The following DDHD1 variants were observed in gnomAD, a reference collection of about 807,000 sequenced individuals.
DDHD1 encodes the protein phospholipase DDHD1.
Under a neutral mutation model 96.4 loss-of-function variants are expected in DDHD1, and 49 were observed. That is an observed-to-expected ratio of 0.51 (90% CI 0.40 to 0.64). DDHD1 has a LOEUF of 0.64. Ranked by LOEUF, DDHD1 falls within the 30% of genes least tolerant of loss-of-function variation. The pLI is 0.00. For missense variants in DDHD1, 1,106 were observed against 1,161.2 expected (o/e 0.95, Z 0.69); for synonymous variants, 442 against 446.5 (o/e 0.99, Z 0.13).
chr14:53,144,203 A>T (rs564250026), intron 1 of DDHD1, among the ~76,000 whole-genome samples: 1 of 152,382 alleles, frequency 6.6e-6, no homozygotes, highest in South Asian at 2.1e-4. Context: ...ATATTCTAAA[A>T]TATAAAGTCC....
At chr14:53,109,968 C>T (rs1291575354) in intron 1 of DDHD1, among the ~76,000 whole-genome samples, 1 of 152,174 alleles carries the variant, frequency 6.6e-6, no homozygotes, top group Admixed American at 6.5e-5. Context: ...TGTTCAACCA[C>T]AAATAGTCAT....
intron 7 of DDHD1, 141 bp from the exon 8 acceptor site, chr14:53,061,342 A>C: frequency 3.3e-6 from 2 of 599,654 alleles, no homozygotes; most frequent in South Asian, 3.3e-5. Context: ...GTATTTAATA[A>C]ATGTCTCTGC....
At chr14:53,143,814 TA>T (rs1890804536) in intron 1 of DDHD1, among the ~76,000 whole-genome samples, 1 of 152,246 alleles carries the variant, frequency 6.6e-6, no homozygotes, top group Non-Finnish European at 1.5e-5. Context: ...GGCTAGCAGA[TA>T]TTTAAGAAAG....
intron 11 of DDHD1, chr14:53,053,118 T>G (rs1161515530): frequency 6.6e-6 from 1 of 152,086 alleles, no homozygotes; most frequent in Non-Finnish European, 1.5e-5. Context: ...CTAGCACTAC[T>G]GTTGCACATT....
chr14:53,113,845 A>C (rs1355765364), intron 1 of DDHD1, among the ~76,000 whole-genome samples: 1 of 152,000 alleles, frequency 6.6e-6, no homozygotes, highest in Admixed American at 6.6e-5. Flanking sequence ...TTTTTTCAAA[A>C]CCCAGTGGTT....
rs1385494481 is a variant in DDHD1 at position 53,061,270 on chromosome 14, C to T, written c.1767-69G>A. The T allele has an allele frequency of 5.7e-6, 8 of 1,394,178 alleles. No homozygotes were observed. In the Admixed American group the frequency reaches 1.9e-4, roughly 33 times the overall value. The allele number at this position is 1,394,178 out of a possible 1,614,324, so 86.4% of individuals were successfully genotyped here. On this transcript the variant is annotated intron_variant, in intron 7 of 12. Transcript: ENST00000673822. ...TTCATAAATATTAGATGCTTGCTAG[C>T]TTACTAAAGTATAAAGACGCAGATG... is the stretch of plus-strand genomic sequence containing the variant.
intron 4 of DDHD1, among the ~76,000 whole-genome samples, chr14:53,082,442 C>CTTTT (rs35059788): frequency 1.6e-5 from 2 of 121,918 alleles, no homozygotes; most frequent in Non-Finnish European, 3.3e-5. Context: ...TCCAAGATAC[C>CTTTT]TTTTTTTTTT....
intron 4 of DDHD1, among the ~76,000 whole-genome samples, chr14:53,081,870 G>T (rs1885496360): frequency 6.6e-6 from 1 of 151,712 alleles, no homozygotes; most frequent in Non-Finnish European, 1.5e-5. Context: ...AAAAGAAAAG[G>T]ATGGAAGAAA....
intron 1 of DDHD1, among the ~76,000 whole-genome samples, chr14:53,141,336 G>A (rs1411442449): frequency 1.3e-5 from 2 of 152,180 alleles, no homozygotes; most frequent in African/African-American, 4.8e-5. Context: ...AAGTGAAAAC[G>A]AGTGAAGATG....
At chr14:53,054,758 C>A in intron 10 of DDHD1, 129 bp from the exon 11 acceptor site, 8 of 760,766 alleles carry the variant, frequency 1.1e-5, no homozygotes, top group South Asian at 5.0e-5. Context: ...AGGGTGGGAA[C>A]ATAAGAAAAT....
chr14:53,108,101 G>A (rs985979370), intron 1 of DDHD1, among the ~76,000 whole-genome samples: 6 of 151,988 alleles, frequency 3.9e-5, no homozygotes, highest in Admixed American at 6.6e-5. Flanking sequence ...TGTTTGTTAC[G>A]GCTCGAGCTG....
At chr14:53,067,760 C>A (rs1464065120) in intron 6 of DDHD1, among the ~76,000 whole-genome samples, 1 of 152,134 alleles carries the variant, frequency 6.6e-6, no homozygotes, top group Non-Finnish European at 1.5e-5. Context: ...CCCTGCCCAG[C>A]CTCTTATTTG....
chr14:53,046,825 G>T lies in DDHD1; in HGVS notation c.2646C>A (p.Thr882=). 3.7e-6 allele frequency: 6 copies of T among 1,612,888 alleles called. No individual in the cohort carries two copies. Among genetic ancestry groups the T allele is most frequent in the Non-Finnish European group, 5.1e-6 (6 of 1,179,350 alleles). ...SSLDVALFLL[T]FMYKHEHDDD... is the part of the protein sequence containing the mutation. ...CATCGTGCTCATGTTTATACATGAAGGTTAAAAGAAAAAGGGCAACATCCA... is the reference window on the plus strand; with the variant it reads ...CATCGTGCTCATGTTTATACATGAATGTTAAAAGAAAAAGGGCAACATCCA... The change falls in exon 13 of 13, where the codon ACC becomes ACA. Residue 882 remains threonine, a synonymous_variant. Transcript: ENST00000673822.
chr14:53,103,777 A>G lies in DDHD1; in HGVS notation c.918T>C (p.Asn306=). The stretch of plus-strand genomic sequence containing the variant: ...AATTGAGATGTTCTTGCTCAATTAA[A>G]TTACTTTCTTCCTCTTCTAGAGGCT... ...TWQPLEEEES[N]LIEQEHLNCF... The change falls in exon 2 of 13, where the codon AAT becomes AAC. Residue 306 remains asparagine, a synonymous_variant. Transcript: ENST00000673822. The G allele has an allele frequency of 1.9e-6, 3 of 1,613,730 alleles. No homozygotes were observed. Among genetic ancestry groups the G allele is most frequent in the Non-Finnish European group, 2.5e-6 (3 of 1,179,876 alleles).
At chr14:53,147,143 C>A (rs1401051245) in intron 1 of DDHD1, among the ~76,000 whole-genome samples, 1 of 152,128 alleles carries the variant, frequency 6.6e-6, no homozygotes. Flanking sequence ...CTTTCCTCCC[C>A]CAGTGTCCAT....
chr14:53,115,473 G>T (rs1010476280), intron 1 of DDHD1, among the ~76,000 whole-genome samples: 6 of 152,212 alleles, frequency 3.9e-5, no homozygotes, highest in African/African-American at 1.4e-4. Context: ...AGGGCATCCA[G>T]AGAGAAAGGT....
rs1289625476 is a variant in DDHD1, at chr14:53,055,796, G to T, written c.2109C>A (p.Leu703=). 3 of 1,614,084 alleles carry T rather than the reference G, an allele frequency of 1.9e-6. No homozygotes were observed. Among genetic ancestry groups the T allele is most frequent in the Non-Finnish European group, 2.5e-6 (3 of 1,180,006 alleles). ...CTGAGGTAGGTTCTTTAGCTGGGTT[G>T]AGAAAGCTTGGCTTCATATGTTCAT... The part of the protein sequence containing the change: ...LPYEHMKPSF[L]NPAKEPTSVS... The change falls in exon 10 of 13, where the codon CTC becomes CTA. Residue 703 remains leucine (L), a synonymous_variant. Coordinates refer to ENST00000673822, the MANE Select transcript of DDHD1 (RefSeq NM_001160148.2).
At chr14:53,133,947 T>A (rs1385762647) in intron 1 of DDHD1, among the ~76,000 whole-genome samples, 2 of 152,162 alleles carry the variant, frequency 1.3e-5, no homozygotes, top group Non-Finnish European at 2.9e-5. Context: ...CCCTCCCCAT[T>A]GGGTTCACCA....
chr14:53,050,966 G>A (rs548384426), intron 12 of DDHD1, among the ~76,000 whole-genome samples: 21 of 151,250 alleles, frequency 1.4e-4, no homozygotes, highest in Admixed American at 6.6e-4. Flanking sequence ...GGCTGGCTTG[G>A]GCAGAGACCA....
Sources: gnomAD v4.1 joint callset for allele counts (sites outside exome capture counted in the v4.1 genomes callset) on GRCh38, gnomAD v4.1.1 for gene constraint, MANE v1.5 for transcripts, NCBI Gene and HGNC (gene_info 2026-07-23, HGNC 2026-07-21) for gene names.